EBF1: variants seen among roughly 807,000 people sequenced by gnomAD.
EBF1 encodes the protein EBF transcription factor 1.
A neutral mutation model predicts 68.4 loss-of-function variants in EBF1; 10 were observed. That is an observed-to-expected ratio of 0.15 (90% CI 0.09 to 0.25). EBF1 has a LOEUF of 0.25. Ranked by LOEUF, EBF1 falls within the 10% of genes least tolerant of loss-of-function variation. EBF1 has a pLI of 1.00. For synonymous variants in EBF1, 298 were observed against 299.8 expected (o/e 0.99, Z 0.06); for missense variants, 509 against 794.4 (o/e 0.64, Z 4.32).
At chr5:159,080,483 T>C (rs1779567165) in intron 5 of EBF1, among the ~76,000 whole-genome samples, 1 of 152,216 alleles carries the variant, frequency 6.6e-6, no homozygotes, top group South Asian at 2.1e-4. Context: ...GAAAACATCC[T>C]TAACTCCCAC....
intron 6 of EBF1, among the ~76,000 whole-genome samples, chr5:158,892,008 A>G (rs1431457917): frequency 2.0e-5 from 3 of 152,150 alleles, no homozygotes; most frequent in Non-Finnish European, 2.9e-5. Context: ...TTCATCCACA[A>G]TTGCTGTGAT....
intron 6 of EBF1, among the ~76,000 whole-genome samples, chr5:159,040,986 T>C (rs2127775045): frequency 6.6e-6 from 1 of 152,330 alleles, no homozygotes; most frequent in Admixed American, 6.5e-5. Context: ...GATTTTATAG[T>C]AGCTGTTTAG....
At chr5:158,714,243 C>T (rs1022361914) in intron 11 of EBF1, 61 bp from the exon 12 acceptor site, 23 of 1,581,150 alleles carry the variant, frequency 1.5e-5, no homozygotes, top group Non-Finnish European at 2.0e-5. Context: ...TATCTTTTGA[C>T]ATGATCACAT....
In EBF1 at chr5:159,096,385, T is replaced by C. The variant is rs1782610075; in HGVS notation, c.313A>G (p.Asn105Asp). 6.2e-7 allele frequency: 1 copy of C among 1,613,676 alleles called. No individual in the cohort carries two copies. Among genetic ancestry groups the C allele is most frequent in the Non-Finnish European group, 8.5e-7 (1 of 1,179,878 alleles). ...TGAAGCCGGTAGTGAATTCCGTTAT[T>C]GGTCTTTTCGCTGTTGGCTTCCTGG... ...KEKEANSEKT[N>D]NGIHYRLQLL... The change falls in exon 3 of 16, where the codon AAT becomes GAT. Residue 105 changes from asparagine (N) to aspartate (D), a missense_variant. By Grantham distance (23) the Asn-to-Asp change is conservative. Around this residue, in one of 3 missense-constraint regions of EBF1, gnomAD observed 230 missense variants for 467.7 expected, o/e 0.49. Transcript: ENST00000313708.
At chr5:158,743,271 G>T (rs1766825932) in intron 10 of EBF1, among the ~76,000 whole-genome samples, 1 of 152,186 alleles carries the variant, frequency 6.6e-6, no homozygotes, top group South Asian at 2.1e-4. Flanking sequence ...CTACGGAAAA[G>T]GACAGGAAAA....
At position 158,906,376 on chromosome 5, in the gene EBF1, C is replaced by CA. The variant is rs915158632; in HGVS notation, c.555-66267dup. On this transcript the variant is annotated intron_variant, in intron 6 of 15. Transcript: ENST00000313708. ...GACATTTCGGAACCAATCATACATA[C>CA]AAAAAAAGCATCCTTTTTCCAGGCA... 6.1e-5 allele frequency among the ~76,000 whole-genome samples: 9 copies of CA among 147,360 alleles called. No individual in the cohort carries two copies. In the East Asian group the frequency reaches 7.9e-4, roughly 13 times the overall value.
intron 8 of EBF1, among the ~76,000 whole-genome samples, chr5:158,817,661 T>C (rs1193667309): frequency 2.0e-5 from 3 of 152,166 alleles, no homozygotes; most frequent in Non-Finnish European, 2.9e-5. Context: ...TCTCTTCGGT[T>C]TTGGCATAAA....
chr5:158,996,572 T>C (rs533291135), intron 6 of EBF1, among the ~76,000 whole-genome samples: 155 of 152,338 alleles, frequency 1.0e-3, no homozygotes, highest in Non-Finnish European at 1.8e-3. Flanking sequence ...TCTAAGGTTG[T>C]GGGGAGGCCA....
At chr5:159,004,330 TC>T (rs1183890166) in intron 6 of EBF1, among the ~76,000 whole-genome samples, 1 of 151,838 alleles carries the variant, frequency 6.6e-6, no homozygotes, top group Non-Finnish European at 1.5e-5. Flanking sequence ...AGGTCTCATT[TC>T]CTCCTCACTC....
At chr5:159,002,895 C>T (rs1377411577) in intron 6 of EBF1, among the ~76,000 whole-genome samples, 2 of 152,168 alleles carry the variant, frequency 1.3e-5, no homozygotes, top group African/African-American at 4.8e-5. Context: ...AGCTAGAGGA[C>T]TAATTTGCAG....
At chr5:158,780,266 T>C (rs1776173222) in intron 9 of EBF1, among the ~76,000 whole-genome samples, 1 of 152,168 alleles carries the variant, frequency 6.6e-6, no homozygotes, top group Non-Finnish European at 1.5e-5. Context: ...TGACCCAACA[T>C]GCTAGAGGAG....
chr5:158,830,100 A>G (rs1787179420), intron 7 of EBF1, among the ~76,000 whole-genome samples: 1 of 152,210 alleles, frequency 6.6e-6, no homozygotes, highest in Admixed American at 6.5e-5. Context: ...GGAGTCCTCA[A>G]TATAAGTTAT....
At chr5:158,767,914 G>C (rs2127642134) in intron 10 of EBF1, among the ~76,000 whole-genome samples, 1 of 152,210 alleles carries the variant, frequency 6.6e-6, no homozygotes, top group African/African-American at 2.4e-5. Context: ...ATATCGTTAG[G>C]GTTTTAGATG....
chr5:158,741,642 A>G (rs1337048173), intron 10 of EBF1, among the ~76,000 whole-genome samples: 1 of 151,928 alleles, frequency 6.6e-6, no homozygotes, highest in Non-Finnish European at 1.5e-5. Context: ...CTGGTAGTTT[A>G]TACAGTATCT....
At chr5:158,818,883 TG>T (rs1784260801) in intron 8 of EBF1, among the ~76,000 whole-genome samples, 1 of 151,878 alleles carries the variant, frequency 6.6e-6, no homozygotes, top group Non-Finnish European at 1.5e-5. Context: ...ATAGTTCCAT[TG>T]TTTTTTTTTC....
intron 7 of EBF1, among the ~76,000 whole-genome samples, chr5:158,835,701 A>G (rs1352238104): frequency 6.6e-6 from 1 of 152,192 alleles, no homozygotes; most frequent in East Asian, 1.9e-4. Context: ...GTTCCAAAAC[A>G]TCAGAAAATA....
intron 6 of EBF1, among the ~76,000 whole-genome samples, chr5:158,932,713 A>T (rs923602963): frequency 6.6e-6 from 1 of 152,212 alleles, no homozygotes; most frequent in Non-Finnish European, 1.5e-5. Flanking sequence ...CTTCATAACT[A>T]TTTAGCCACA....
At chr5:158,750,692 T>A (rs116389063) in intron 10 of EBF1, among the ~76,000 whole-genome samples, 1 of 152,074 alleles carries the variant, frequency 6.6e-6, no homozygotes, top group African/African-American at 2.4e-5. Flanking sequence ...ATAGCATCAT[T>A]TTATAGTGCA....
At chr5:158,726,974 C>T (rs1049712805) in intron 11 of EBF1, among the ~76,000 whole-genome samples, 59 of 152,196 alleles carry the variant, frequency 3.9e-4, no homozygotes, top group African/African-American at 1.3e-3. Flanking sequence ...TGCTAGATGC[C>T]AGGGATGCCT....
Sources: allele counts gnomAD v4.1 joint callset (sites outside exome capture counted in the v4.1 genomes callset), GRCh38; gene constraint gnomAD v4.1.1; regional missense constraint gnomAD v4.1.1; transcripts MANE v1.5; gene names NCBI Gene and HGNC (gene_info 2026-07-23, HGNC 2026-07-21).